ODF2L: variants seen among roughly 807,000 people sequenced by gnomAD.
ODF2L encodes protein BCAP.
ODF2L carries 76 observed loss-of-function variants against 86.3 expected under a neutral mutation model. The ratio of observed to expected loss-of-function variants is 0.88; its 90% CI spans 0.73 to 1.07. ODF2L has a LOEUF of 1.07. Among genes scored for constraint, ODF2L ranks in the 50% least tolerant of loss-of-function variants. ODF2L has a pLI of 0.00. For synonymous variants in ODF2L, 241 were observed against 231.3 expected (o/e 1.04, Z -0.38); for missense variants, 748 against 717.4 (o/e 1.04, Z -0.49).
chr1:86,366,423 CACACACACACATACACAT>C (rs1338216239), intron 11 of ODF2L, among the ~76,000 whole-genome samples: 3 of 145,364 alleles, frequency 2.1e-5, no homozygotes, highest in South Asian at 2.2e-4. Flanking sequence ...CACACACACA[CACACACACACATACACAT>C]ACACATACAC....
At chr1:86,372,589 T>A in intron 8 of ODF2L, 49 bp from the exon 9 acceptor site, 1 of 1,040,964 alleles carries the variant, frequency 9.6e-7, no homozygotes, top group Non-Finnish European at 1.4e-6. Context: ...AACATTTTTG[T>A]TTTGTTCAGA....
chr1:86,348,801 A>C (rs758942827), downstream of ODF2L: 13 of 1,554,018 alleles, frequency 8.4e-6, no homozygotes, highest in Non-Finnish European at 1.0e-5. Context: ...AATAATTCTT[A>C]ATACTCTCAT....
chr1:86,393,089 T>C (rs1661444221), intron 1 of ODF2L, among the ~76,000 whole-genome samples: 1 of 152,204 alleles, frequency 6.6e-6, no homozygotes, highest in Non-Finnish European at 1.5e-5. Context: ...AGGAAAATCA[T>C]GGTCCATGAC....
At chr1:86,351,899 AGG>A in exon 18 of ODF2L, 1 of 1,126,938 alleles carries the variant, frequency 8.9e-7, no homozygotes, top group Non-Finnish European at 1.1e-6. Flanking sequence ...GCCAAGTACT[AGG>A]GACATTACAG....
intron 1 of ODF2L, among the ~76,000 whole-genome samples, chr1:86,392,975 T>C (rs762479711): frequency 6.6e-6 from 1 of 152,176 alleles, no homozygotes; most frequent in Non-Finnish European, 1.5e-5. Flanking sequence ...TTGTAGGCTA[T>C]GCTGATCCAG....
chr1:86,374,341 T>C (rs1660024711), intron 8 of ODF2L, among the ~76,000 whole-genome samples: 1 of 152,140 alleles, frequency 6.6e-6, no homozygotes, highest in South Asian at 2.1e-4. Context: ...GAAAAGAATT[T>C]ATATGTTAGC....
chr1:86,356,512 C>T, exon 14 of ODF2L: 2 of 1,614,088 alleles, frequency 1.2e-6, no homozygotes, highest in Non-Finnish European at 1.7e-6. Flanking sequence ...TGCAGACTCT[C>T]CTGACACTCG....
intron 10 of ODF2L, among the ~76,000 whole-genome samples, chr1:86,369,906 A>G (rs896072229): frequency 1.3e-5 from 2 of 152,164 alleles, no homozygotes; most frequent in African/African-American, 4.8e-5. Context: ...TAAAATAACA[A>G]TTCAGAACCT....
At chr1:86,359,765 C>A (rs1203783650) in intron 12 of ODF2L, among the ~76,000 whole-genome samples, 1 of 152,080 alleles carries the variant, frequency 6.6e-6, no homozygotes, top group Non-Finnish European at 1.5e-5. Context: ...TTCAAATGAT[C>A]CGCCCACCTC....
At chr1:86,365,446 T>A (rs1659338173) in intron 11 of ODF2L, among the ~76,000 whole-genome samples, 1 of 152,080 alleles carries the variant, frequency 6.6e-6, no homozygotes, top group Non-Finnish European at 1.5e-5. Context: ...GGGAGACAAA[T>A]TATACAAACA....
chr1:86,372,415 C>A lies in ODF2L; in HGVS notation c.920+16G>T. ...AACTCTTACTAAATAATAAAATATT[C>A]TAAATTTTTTCTTACTTTTTCATTG... On this transcript the variant is annotated intron_variant, in intron 9 of 17. Transcript: ENST00000317336. The A allele has an allele frequency of 3.4e-6, 4 of 1,173,288 alleles. No homozygotes were observed. The highest frequency in any genetic ancestry group is 1.9e-5 in the South Asian group (1 of 52,614). 72.7% of individuals were successfully genotyped at this position (1,173,288 alleles called of 1,614,324 possible).
chr1:86,376,479 G>A lies in ODF2L; in HGVS notation c.625-61C>T, dbSNP rs1660184348. ...GAACTCCAATGTTTATGTAAACATT[G>A]TAAAAATATGTACATAACTGATATG... On this transcript the variant is annotated intron_variant, in intron 7 of 17. Coordinates refer to ENST00000317336, the Ensembl canonical transcript of ODF2L. 5.9e-6 allele frequency: 6 copies of A among 1,012,848 alleles called. No individual in the cohort carries two copies. The South Asian group carries it at 9.4e-5, about 16-fold the overall frequency. The allele number at this position is 1,012,848 out of a possible 1,614,324, so 62.7% of individuals were successfully genotyped here. A position where few individuals can be genotyped will look rare whatever the true frequency, so the allele number is the denominator to read the frequency against.
chr1:86,354,315 T>C (rs1658367995), intron 16 of ODF2L, among the ~76,000 whole-genome samples: 1 of 152,232 alleles, frequency 6.6e-6, no homozygotes, highest in South Asian at 2.1e-4. Context: ...TCTCTGCCCT[T>C]TCCCCAGCCA....
At chr1:86,372,677 A>G (rs1659880222) in intron 8 of ODF2L, 137 bp from the exon 9 acceptor site, 7 of 493,282 alleles carry the variant, frequency 1.4e-5, no homozygotes, top group Non-Finnish European at 2.5e-5. Context: ...AAAACTATAC[A>G]TGCATGTTTA....
intron 13 of ODF2L, among the ~76,000 whole-genome samples, chr1:86,356,844 G>A (rs1658608342): frequency 6.6e-6 from 1 of 152,082 alleles, no homozygotes. Context: ...CTGACAGGGT[G>A]GATGTTTAAC....
intron 11 of ODF2L, among the ~76,000 whole-genome samples, chr1:86,361,353 C>T (rs1346508386): frequency 6.6e-6 from 1 of 152,186 alleles, no homozygotes; most frequent in Non-Finnish European, 1.5e-5. Flanking sequence ...GAAGAACAAA[C>T]CTGAGTTTAG....
intron 13 of ODF2L, 23 bp downstream of exon 12, chr1:86,358,760 ATTAT>A: frequency 1.1e-6 from 1 of 917,074 alleles, no homozygotes; most frequent in Non-Finnish European, 1.6e-6. Context: ...TATATAAAAT[ATTAT>A]TTATTTGAAA....
At chr1:86,351,979 A>G (rs1377787028) in exon 18 of ODF2L, 3 of 1,273,884 alleles carry the variant, frequency 2.4e-6, no homozygotes, top group Admixed American at 4.0e-5. Flanking sequence ...ACATTTTACA[A>G]TATCAGAAAG....
chr1:86,352,906 T>G, exon 17 of ODF2L: 1 of 1,554,844 alleles, frequency 6.4e-7, no homozygotes, highest in African/African-American at 1.4e-5. Flanking sequence ...TTTTTCTTTC[T>G]AAGCTCAGTT....
Sources: gnomAD v4.1 joint callset for allele counts (sites outside exome capture counted in the v4.1 genomes callset) on GRCh38, gnomAD v4.1.1 for gene constraint, MANE v1.5 for transcripts, NCBI Gene and HGNC (gene_info 2026-07-23, HGNC 2026-07-21) for gene names.